Variants in C10orf90 observed in about 807,000 individuals in gnomAD.
C10orf90 encodes (E2-independent) E3 ubiquitin-conjugating enzyme FATS.
Under a neutral mutation model 62.5 loss-of-function variants are expected in C10orf90, and 56 were observed. That is an observed-to-expected ratio of 0.90 (90% confidence interval 0.72 to 1.12). The LOEUF is 1.12. C10orf90 is among the 50% of genes most tolerant of loss of function. C10orf90 has a pLI of 0.00. For missense variants in C10orf90, 970 were observed against 880.4 expected (o/e 1.10, Z -1.29); for synonymous variants, 386 against 340.4 (o/e 1.13, Z -1.47).
At chr10:126,636,611 A>G (rs997975902) in intron 2 of C10orf90, among the ~76,000 whole-genome samples, 1 of 152,182 alleles carries the variant, frequency 6.6e-6, no homozygotes, top group African/African-American at 2.4e-5. Flanking sequence ...CCAGATAAAT[A>G]TTCCTTTTCT....
chr10:126,591,597 A>G (rs1385505875), intron 2 of C10orf90, among the ~76,000 whole-genome samples: 5 of 152,318 alleles, frequency 3.3e-5, no homozygotes, highest in African/African-American at 7.2e-5. Flanking sequence ...ATCATACTGA[A>G]TGGGCAAAAG....
chr10:126,473,632 C>T (rs569230546), intron 4 of C10orf90, among the ~76,000 whole-genome samples: 139 of 150,376 alleles, frequency 9.2e-4, no homozygotes, highest in Non-Finnish European at 1.6e-3. Context: ...CCCCAGGCTG[C>T]CCACCTCTGG....
At chr10:126,533,913 G>A (rs1480718878) in intron 2 of C10orf90, among the ~76,000 whole-genome samples, 1 of 152,162 alleles carries the variant, frequency 6.6e-6, no homozygotes, top group Admixed American at 6.5e-5. Context: ...CTGGATCTTC[G>A]GGAGTGGACC....
At chr10:126,669,883 G>A (rs1466495135) in intron 1 of C10orf90, among the ~76,000 whole-genome samples, 1 of 152,126 alleles carries the variant, frequency 6.6e-6, no homozygotes, top group African/African-American at 2.4e-5. Flanking sequence ...TTAAAGACAG[G>A]TGATTGCAAA....
chr10:126,438,172 G>A (rs1391510535), intron 7 of C10orf90, among the ~76,000 whole-genome samples: 1 of 152,200 alleles, frequency 6.6e-6, no homozygotes, highest in African/African-American at 2.4e-5. Context: ...GCTAGCCACA[G>A]ATGGAAGCCT....
chr10:126,538,588 C>T (rs766843601), intron 2 of C10orf90, among the ~76,000 whole-genome samples: 5 of 152,208 alleles, frequency 3.3e-5, no homozygotes, highest in African/African-American at 9.6e-5. Context: ...CCACTTGCCA[C>T]GTGTTGTTAA....
chr10:126,502,511 G>A (rs1862461980), intron 4 of C10orf90: 1 of 158,328 alleles, frequency 6.3e-6, no homozygotes, highest in South Asian at 1.8e-4. Context: ...AAGCCAAAAA[G>A]TAAGTTGGGG....
In C10orf90 at chr10:126,425,536, C is replaced by T. The variant is rs1242993551; in HGVS notation, c.*328G>A. 1 of 347,006 alleles carries T rather than the reference C, an allele frequency of 2.9e-6. No homozygotes were observed. The highest frequency in any genetic ancestry group is 5.2e-6 in the Non-Finnish European group (1 of 193,482). The allele number at this position is 347,006 out of a possible 1,614,324, so 21.5% of individuals were successfully genotyped here. A position where few individuals can be genotyped will look rare whatever the true frequency, so the allele number is the denominator to read the frequency against. ...TGTAAACAAACTTGCTTGTATCAGGCCTCTCTGATGGGCAGGAAACAGCAG... is the reference window on the plus strand; with the variant it reads ...TGTAAACAAACTTGCTTGTATCAGGTCTCTCTGATGGGCAGGAAACAGCAG... On this transcript the variant is annotated 3_prime_UTR_variant, in exon 10 of 10. Transcript: ENST00000488181.
intron 2 of C10orf90, among the ~76,000 whole-genome samples, chr10:126,517,769 G>A (rs747159001): frequency 6.6e-6 from 1 of 152,030 alleles, no homozygotes; most frequent in Non-Finnish European, 1.5e-5. Flanking sequence ...AATTAGCTAG[G>A]CATGATGGTG....
intron 3 of C10orf90, 138 bp from the exon 4 acceptor site, chr10:126,505,223 C>A: frequency 5.0e-6 from 4 of 796,256 alleles, no homozygotes; most frequent in Non-Finnish European, 5.7e-6. Context: ...TTTTACTGCA[C>A]ACCTGATGCT....
chr10:126,539,736 CA>C (rs1864330471), intron 2 of C10orf90, among the ~76,000 whole-genome samples: 1 of 152,100 alleles, frequency 6.6e-6, no homozygotes, highest in Non-Finnish European at 1.5e-5. Flanking sequence ...CTTTTTCCAG[CA>C]AATAGTTATT....
In C10orf90 at chr10:126,456,366, G is replaced by T. The variant is rs929845457; in HGVS notation, c.2188+2674C>A. On this transcript the variant is annotated intron_variant, in intron 7 of 9. Coordinates refer to ENST00000488181, the MANE Select transcript of C10orf90 (RefSeq NM_001350921.2). The surrounding 1 kb of genome is among the most constrained non-coding windows in gnomAD (Gnocchi z 4.9). Reference sequence around the variant, plus strand: ...TCAGGGTGGCCATAAAACCCACGTTGGCCAAGTCCCACTTTGAGAGCATGC... The same window carrying T: ...TCAGGGTGGCCATAAAACCCACGTTTGCCAAGTCCCACTTTGAGAGCATGC... Among the ~76,000 whole-genome samples, 6 of 152,116 alleles carry T rather than the reference G, an allele frequency of 3.9e-5. No individual in the cohort carries two copies. Among genetic ancestry groups the T allele is most frequent in the African/African-American group, 1.4e-4 (6 of 41,432 alleles).
rs925233717 is a variant in C10orf90 at position 126,609,051 on chromosome 10, A to T, written c.313+37514T>A. Among the ~76,000 whole-genome samples the T allele has an allele frequency of 5.3e-5, 8 of 152,262 alleles. No individual in the cohort carries two copies. The Middle Eastern group carries it at 0.01, about 194-fold the overall frequency. On this transcript the variant is annotated intron_variant, in intron 2 of 9. Transcript: ENST00000488181. The stretch of plus-strand genomic sequence containing the variant: ...CAAGCTGTATGGCCTTGGGCAAGAG[A>T]TTTCATCCTTTCCTGCCTCAGTTTA...
intron 1 of C10orf90, among the ~76,000 whole-genome samples, chr10:126,660,251 G>A (rs1305866785): frequency 6.6e-6 from 1 of 152,184 alleles, no homozygotes. Context: ...CAAAAGGGTT[G>A]GGTTTTACTG....
intron 1 of C10orf90, among the ~76,000 whole-genome samples, chr10:126,660,604 G>A (rs1846490302): frequency 6.6e-6 from 1 of 152,220 alleles, no homozygotes; most frequent in Admixed American, 6.5e-5. Flanking sequence ...CACAGTCTCA[G>A]GTGACACCTT....
chr10:126,510,324 T>C (rs1381890505), intron 3 of C10orf90, among the ~76,000 whole-genome samples: 2 of 152,208 alleles, frequency 1.3e-5, no homozygotes, highest in East Asian at 3.9e-4. Context: ...GGTTATTCAA[T>C]GTTCCTAAGT....
chr10:126,515,147 A>G (rs1292543113), intron 2 of C10orf90, among the ~76,000 whole-genome samples: 1 of 152,250 alleles, frequency 6.6e-6, no homozygotes, highest in African/African-American at 2.4e-5. Flanking sequence ...TGCATATATG[A>G]CAGTGGTCCA....
intron 4 of C10orf90, among the ~76,000 whole-genome samples, chr10:126,499,680 A>G (rs1862268193): frequency 6.6e-6 from 1 of 152,200 alleles, no homozygotes; most frequent in Non-Finnish European, 1.5e-5. Context: ...CCAGTCATCC[A>G]CATCTTTATT....
At chr10:126,613,118 T>C (rs1438038203) in intron 2 of C10orf90, among the ~76,000 whole-genome samples, 1 of 152,206 alleles carries the variant, frequency 6.6e-6, no homozygotes, top group African/African-American at 2.4e-5. Flanking sequence ...TTGTATATGA[T>C]ATTAAAGGGC....
Sources: allele counts gnomAD v4.1 joint callset (sites outside exome capture counted in the v4.1 genomes callset), GRCh38; gene constraint gnomAD v4.1.1; non-coding constraint Gnocchi (gnomAD v3.1); transcripts MANE v1.5; gene names NCBI Gene and HGNC (gene_info 2026-07-23, HGNC 2026-07-21).